Variants in CHLSN observed in about 807,000 individuals in gnomAD.
The protein encoded by CHLSN is protein cholesin.
At chr7:1,136,589 T>TATATAAACATACATAAACATATATAAAC in the CHLSN span, among the ~76,000 whole-genome samples, 1 of 124,598 alleles carries the variant, frequency 8.0e-6, no homozygotes, top group African/African-American at 3.5e-5. Flanking sequence ...TATATAAACA[T>TATATAAACATACATAAACATATATAAAC]ATATAAACAT....
chr7:1,124,899 C>A, the CHLSN span, among the ~76,000 whole-genome samples: 1 of 152,212 alleles, frequency 6.6e-6, no homozygotes, highest in Non-Finnish European at 1.5e-5. Flanking sequence ...ACCTGCCAGG[C>A]CTCAGCCTCC....
At chr7:1,025,939 G>A in the CHLSN span, 1 of 152,302 alleles carries the variant, frequency 6.6e-6, no homozygotes, top group Admixed American at 6.5e-5. Flanking sequence ...CCTCCGGCCA[G>A]GTGGGCCCCG....
the CHLSN span, among the ~76,000 whole-genome samples, chr7:1,005,059 C>A: frequency 1.3e-5 from 2 of 152,164 alleles, 1 homozygote; most frequent in South Asian, 4.1e-4. Flanking sequence ...CTTTGGGAGG[C>A]CGAGGGCGGA....
chr7:1,055,638 G>A, the CHLSN span, among the ~76,000 whole-genome samples: 1 of 152,194 alleles, frequency 6.6e-6, no homozygotes, highest in South Asian at 2.1e-4. Context: ...TCTCTAAGTA[G>A]GGAATGAAGG....
chr7:997,234 C>T, the CHLSN span: 2 of 169,410 alleles, frequency 1.2e-5, no homozygotes, highest in Non-Finnish European at 2.5e-5. Context: ...TGCAGGTTTG[C>T]AGCTGGCGGG....
At chr7:979,297 T>G in the CHLSN span, among the ~76,000 whole-genome samples, 1 of 152,168 alleles carries the variant, frequency 6.6e-6, no homozygotes, top group Non-Finnish European at 1.5e-5. Context: ...TGGCGGAGGC[T>G]CTGCACCTGC....
At chr7:1,065,979 A>G in the CHLSN span, among the ~76,000 whole-genome samples, 3 of 152,198 alleles carry the variant, frequency 2.0e-5, no homozygotes, top group South Asian at 6.2e-4. Context: ...GGGCCCCACC[A>G]GGAGAGCAGG....
At chr7:1,136,455 CAT>C in the CHLSN span, among the ~76,000 whole-genome samples, 5 of 99,858 alleles carry the variant, frequency 5.0e-5, no homozygotes, top group East Asian at 5.7e-4. Flanking sequence ...TATATATAAA[CAT>C]ATATAAACAT....
chr7:979,220 G>A, the CHLSN span, among the ~76,000 whole-genome samples: 1 of 152,196 alleles, frequency 6.6e-6, no homozygotes, highest in Non-Finnish European at 1.5e-5. Flanking sequence ...TGCAATCCGG[G>A]AGGGTGTTTC....
the CHLSN span, among the ~76,000 whole-genome samples, chr7:1,116,316 AG>A: frequency 1.7e-5 from 2 of 121,166 alleles, no homozygotes; most frequent in African/African-American, 3.4e-5. Flanking sequence ...CTCTACGGAC[AG>A]GCTTCCATCA....
the CHLSN span, among the ~76,000 whole-genome samples, chr7:1,066,063 G>T: frequency 2.6e-5 from 4 of 152,224 alleles, no homozygotes; most frequent in Non-Finnish European, 5.9e-5. Flanking sequence ...CTCAATAGGC[G>T]GCATGGGGCC....
At chr7:1,020,754 C>T in the CHLSN span, among the ~76,000 whole-genome samples, 1 of 152,258 alleles carries the variant, frequency 6.6e-6, no homozygotes, top group South Asian at 2.1e-4. Context: ...CTGCCGTCTG[C>T]TGACCACCCC....
At chr7:1,135,070 C>T in the CHLSN span, among the ~76,000 whole-genome samples, 1 of 152,146 alleles carries the variant, frequency 6.6e-6, no homozygotes. Flanking sequence ...ATCCTTCCTT[C>T]TCTCTTGACA....
chr7:1,087,135 A>C, the CHLSN span: 4 of 152,206 alleles, frequency 2.6e-5, no homozygotes, highest in Non-Finnish European at 5.9e-5. Context: ...CGGCCCCGAG[A>C]GTCCGGGGAG....
the CHLSN span, among the ~76,000 whole-genome samples, chr7:1,125,227 G>A: frequency 6.6e-6 from 1 of 152,188 alleles, no homozygotes; most frequent in Admixed American, 6.5e-5. Context: ...TCCGTGGCTG[G>A]GTAGCCCAGG....
At chr7:1,058,527 C>T in the CHLSN span, 32 of 774,852 alleles carry the variant, frequency 4.1e-5, no homozygotes, top group Non-Finnish European at 6.7e-5. Flanking sequence ...GGCGGCCCAG[C>T]CCTCCTGGGG....
the CHLSN span, chr7:1,055,545 C>T: frequency 2.3e-6 from 1 of 426,792 alleles, no homozygotes. Context: ...GCAGTACAGG[C>T]AGGAGAGGGG....
chr7:1,136,467 T>C, the CHLSN span, among the ~76,000 whole-genome samples: 1 of 119,438 alleles, frequency 8.4e-6, no homozygotes, highest in Non-Finnish European at 1.6e-5. Context: ...TATATAAACA[T>C]ATATAAATAT....
chr7:1,039,125 C>T, the CHLSN span, among the ~76,000 whole-genome samples: 39 of 44,142 alleles, frequency 8.8e-4, no homozygotes, highest in Middle Eastern at 0.028. Context: ...TCTGCCCGGC[C>T]GCCCCTACTG....
Sources: gnomAD v4.1 joint callset for allele counts (sites outside exome capture counted in the v4.1 genomes callset) on GRCh38, gnomAD v4.1.1 for gene constraint, MANE v1.5 for transcripts, NCBI Gene and HGNC (gene_info 2026-07-23, HGNC 2026-07-21) for gene names.